The following LRCH3 variants were observed in gnomAD, a reference collection of about 807,000 sequenced individuals.
The protein encoded by LRCH3 is leucine rich repeats and calponin homology domain containing 3, also known as DISP complex protein LRCH3.
A neutral mutation model predicts 104.5 loss-of-function variants in LRCH3; 68 were observed. The ratio of observed to expected loss-of-function variants is 0.65; its 90% CI spans 0.54 to 0.80. LRCH3 has a LOEUF of 0.80. Ranked by LOEUF, LRCH3 falls within the 30% of genes least tolerant of loss-of-function variation. The probability of loss-of-function intolerance (pLI) is 0.00; values close to 1 mark genes in which losing one functional copy is unlikely to be tolerated. For synonymous variants in LRCH3, 344 were observed against 361.3 expected (o/e 0.95, Z 0.54); for missense variants, 951 against 953.9 (o/e 1.00, Z 0.04).
chr3:197,843,679 C>G (rs1249878326), intron 10 of LRCH3, among the ~76,000 whole-genome samples: 1 of 148,942 alleles, frequency 6.7e-6, no homozygotes, highest in Non-Finnish European at 1.5e-5. Flanking sequence ...TACGCCATCT[C>G]AAAAGAAAAA....
rs768971597 is a variant in LRCH3 at position 197,817,222 on chromosome 3, T to C, written c.454T>C (p.Leu152=). The C allele has an allele frequency of 9.3e-6, 15 of 1,610,074 alleles. No individual in the cohort carries two copies. The highest frequency in any genetic ancestry group is 3.4e-6 in the Non-Finnish European group (4 of 1,178,406). The change falls in exon 3 of 21, where the codon TTG becomes CTG. Residue 152 remains leucine, a synonymous_variant. Coordinates refer to ENST00000425562, the MANE Select transcript of LRCH3 (RefSeq NM_001365715.1). ...GCCGGTACACTTGTGTAATTTGCCA[T>C]TGAAAGTCTTAATTGCTAGTAATAA... is the stretch of plus-strand genomic sequence containing the variant. ...TLPVHLCNLP[L]KVLIASNNKL...
chr3:197,821,767 C>G (rs1161527330), intron 4 of LRCH3, among the ~76,000 whole-genome samples: 1 of 152,228 alleles, frequency 6.6e-6, no homozygotes, highest in Non-Finnish European at 1.5e-5. Context: ...CTCGACCTCT[C>G]AGGTTTAGGT....
In LRCH3 at chr3:197,887,609, G is replaced by A. The variant is rs1411926970; in HGVS notation, c.*3943G>A. ...GGGGGCTGAGAGCCCCCCTAGCAGA[G>A]CCCTTCCCATCACTGACAGTGTCTG... On this transcript the variant is annotated 3_prime_UTR_variant, in exon 21 of 21. Coordinates refer to ENST00000425562, the MANE Select transcript of LRCH3 (RefSeq NM_001365715.1). 6.8e-6 allele frequency: 1 copy of A among 147,396 alleles called. No homozygotes were observed. The highest frequency in any genetic ancestry group is 1.5e-5 in the Non-Finnish European group (1 of 67,958). 9.1% of individuals were successfully genotyped at this position (147,396 alleles called of 1,614,324 possible). A position where few individuals can be genotyped will look rare whatever the true frequency, so the allele number is the denominator to read the frequency against.
chr3:197,806,655 G>C (rs1272731981), intron 1 of LRCH3, among the ~76,000 whole-genome samples: 1 of 151,442 alleles, frequency 6.6e-6, no homozygotes, highest in Non-Finnish European at 1.5e-5. Context: ...GAGGCAGGTG[G>C]ATCACCTGAG....
rs1713922464 is a variant in LRCH3, at chr3:197,883,039, G to A, written c.2209-502G>A. 1 of 985,456 alleles carries A rather than the reference G, an allele frequency of 1.0e-6. No individual in the cohort carries two copies. The highest frequency in any genetic ancestry group is 1.2e-6 in the Non-Finnish European group (1 of 829,964). 61.0% of individuals were successfully genotyped at this position (985,456 alleles called of 1,614,324 possible). On this transcript the variant is annotated intron_variant, in intron 20 of 20. Transcript: ENST00000425562. This position sits in a 1 kb window ranked among gnomAD's most constrained non-coding sequence, Gnocchi z 4.2. ...TGGAAACCCTGGTTTTCACAGTCAG[G>A]ATTATAATGCAGATAGCGTAGAACT...
chr3:197,803,832 A>G (rs985162156), intron 1 of LRCH3, among the ~76,000 whole-genome samples: 1 of 152,196 alleles, frequency 6.6e-6, no homozygotes, highest in African/African-American at 2.4e-5. Flanking sequence ...TCAGTTTAAG[A>G]AGCACTGCTG....
intron 20 of LRCH3, chr3:197,880,601 A>G: frequency 6.5e-7 from 1 of 1,536,754 alleles, no homozygotes; most frequent in Non-Finnish European, 8.7e-7. Flanking sequence ...GGGCACACTC[A>G]GAAGAATCCA....
chr3:197,882,312 A>C, intron 20 of LRCH3: 2 of 985,468 alleles, frequency 2.0e-6, no homozygotes, highest in Non-Finnish European at 2.4e-6. Context: ...AGTATCATTT[A>C]TCTAGACTTG....
intron 5 of LRCH3, among the ~76,000 whole-genome samples, chr3:197,829,197 T>G (rs1194513494): frequency 6.6e-6 from 1 of 152,224 alleles, no homozygotes; most frequent in Admixed American, 6.5e-5. Flanking sequence ...TGTATATGAT[T>G]GTTGGATTCC....
At chr3:197,869,460 C>T (rs1242595409) in intron 17 of LRCH3, among the ~76,000 whole-genome samples, 2 of 150,566 alleles carry the variant, frequency 1.3e-5, no homozygotes, top group Admixed American at 6.6e-5. Context: ...AGGTAGAAAG[C>T]GGTGCACTGT....
chr3:197,882,292 G>A (rs1231071122), intron 20 of LRCH3: 107 of 985,238 alleles, frequency 1.1e-4, no homozygotes, highest in Non-Finnish European at 1.3e-4. Context: ...CACTGGGCAG[G>A]TTCATTTTAA....
intron 8 of LRCH3, among the ~76,000 whole-genome samples, chr3:197,835,276 C>T (rs1156928724): frequency 3.3e-5 from 5 of 151,898 alleles, no homozygotes; most frequent in South Asian, 2.1e-4. Context: ...TTCTGTCTCC[C>T]GGGTTCAAGC....
chr3:197,877,993 A>G (rs554359401), intron 20 of LRCH3, among the ~76,000 whole-genome samples: 114 of 152,368 alleles, frequency 7.5e-4, no homozygotes, highest in African/African-American at 2.6e-3. Flanking sequence ...AGTTTATTCT[A>G]ATAGTGCACA....
At chr3:197,794,381 CAGG>C (rs1730960992) in intron 1 of LRCH3, among the ~76,000 whole-genome samples, 1 of 152,124 alleles carries the variant, frequency 6.6e-6, no homozygotes, top group Admixed American at 6.5e-5. Context: ...CGGTATTAGC[CAGG>C]AGTTTAGTCT....
chr3:197,857,306 A>G (rs575115325), intron 14 of LRCH3, among the ~76,000 whole-genome samples: 31 of 148,784 alleles, frequency 2.1e-4, no homozygotes, highest in African/African-American at 7.2e-4. Flanking sequence ...TTACACTGAC[A>G]TTGTCTTCGG....
intron 10 of LRCH3, among the ~76,000 whole-genome samples, chr3:197,843,236 G>GT (rs1236215086): frequency 1.3e-5 from 2 of 152,054 alleles, no homozygotes; most frequent in Non-Finnish European, 2.9e-5. Context: ...AAACCTGGAA[G>GT]TTTTTTTGTT....
chr3:197,883,538 C>T lies in LRCH3; in HGVS notation c.2209-3C>T. 8 of 1,534,966 alleles carry T rather than the reference C, an allele frequency of 5.2e-6. No individual in the cohort carries two copies. Among genetic ancestry groups the T allele is most frequent in the Middle Eastern group, 1.7e-4 (1 of 5,984 alleles). The stretch of plus-strand genomic sequence containing the variant: ...TGTTTTCATGTTACGTTGTCCCTTT[C>T]AGGAGCAATTATGTTTGCCTCTCCA... On this transcript the variant is annotated splice_polypyrimidine_tract_variant and splice_region_variant and intron_variant, in intron 20 of 20. Transcript: ENST00000425562. This position sits in a 1 kb window ranked among gnomAD's most constrained non-coding sequence, Gnocchi z 4.2.
At chr3:197,814,158 A>G (rs535317962) in intron 1 of LRCH3, among the ~76,000 whole-genome samples, 1 of 152,352 alleles carries the variant, frequency 6.6e-6, no homozygotes, top group East Asian at 1.9e-4. Flanking sequence ...AATGGAACTT[A>G]AAAGTTCCAC....
chr3:197,807,271 C>T (rs2109141820), intron 1 of LRCH3, among the ~76,000 whole-genome samples: 1 of 149,418 alleles, frequency 6.7e-6, no homozygotes, highest in African/African-American at 2.5e-5. Context: ...GGCTGGAGTG[C>T]AGTGGCGCGA....
Sources: gnomAD v4.1 joint callset for allele counts (sites outside exome capture counted in the v4.1 genomes callset) on GRCh38, gnomAD v4.1.1 for gene constraint, Gnocchi (gnomAD v3.1) non-coding constraint, MANE v1.5 for transcripts, NCBI Gene and HGNC (gene_info 2026-07-23, HGNC 2026-07-21) for gene names.